Variants in CP observed in about 807,000 individuals in gnomAD.
CP encodes the protein caeruloplasmin.
CP carries 64 observed loss-of-function variants against 122.4 expected under a neutral mutation model. The ratio of observed to expected loss-of-function variants is 0.52; its 90% confidence interval spans 0.43 to 0.64. The LOEUF is 0.64. Ranked by LOEUF, CP falls within the 30% of genes least tolerant of loss-of-function variation. CP has a pLI of 0.00. For missense variants in CP, 1,167 were observed against 1,284.4 expected (o/e 0.91, Z 1.40); for synonymous variants, 440 against 436.4 (o/e 1.01, Z -0.10).
chr3:149,178,089 A>C, intron 16 of CP, 110 bp from the exon 17 acceptor site: 1 of 1,038,344 alleles, frequency 9.6e-7, no homozygotes, highest in Non-Finnish European at 1.5e-6. Flanking sequence ...TTGATGTAAT[A>C]GGACTTATTT....
chr3:149,172,197 G>T (rs1725064744), downstream of CP: 1 of 1,613,410 alleles, frequency 6.2e-7, no homozygotes, highest in Non-Finnish European at 8.5e-7. Context: ...CTTCTCTATT[G>T]CAGTCGAAAG....
chr3:149,186,262 C>T, intron 11 of CP: 1 of 519,816 alleles, frequency 1.9e-6, no homozygotes, highest in Non-Finnish European at 3.5e-6. Flanking sequence ...AAAAAGGGAT[C>T]ATCTTGAGGA....
rs1723999112 is a variant in CP at position 149,162,719 on chromosome 3, T to A, written c.*170A>T. ...TTTGTGCTAAGGATGAAGATACAATTCCTCAGCTCTTGGTAGACTTTTGGG... is the reference window on the plus strand; with the variant it reads ...TTTGTGCTAAGGATGAAGATACAATACCTCAGCTCTTGGTAGACTTTTGGG... On this transcript the variant is annotated 3_prime_UTR_variant, in exon 6 of 6. Coordinates refer to the CP transcript ENST00000479771. The A allele has an allele frequency of 6.2e-7, 1 of 1,614,050 alleles. No homozygotes were observed. Among genetic ancestry groups the A allele is most frequent in the African/African-American group, 1.3e-5 (1 of 75,034 alleles).
At chr3:149,163,391 C>T (rs1254179331) in intron 5 of CP, among the ~76,000 whole-genome samples, 1 of 152,116 alleles carries the variant, frequency 6.6e-6, no homozygotes, top group Non-Finnish European at 1.5e-5. Flanking sequence ...TTGCTCCTAG[C>T]CCATTTCTGT....
In CP at chr3:149,202,131, C is replaced by A; in HGVS notation, c.1319G>T (p.Gly440Val). ...GATGCCAAGATGCTCTTCTTCAGGGCCTCTCTCCTTTCGATTTGTGAAGGA... is the reference window on the plus strand; with the variant it reads ...GATGCCAAGATGCTCTTCTTCAGGGACTCTCTCCTTTCGATTTGTGAAGGA... ...DASFTNRKER[G>V]PEEEHLGILG... is the part of the protein sequence containing the mutation. The change falls in exon 7 of 19, where the codon GGC becomes GTC. Residue 440 changes from glycine (G) to valine (V), a missense_variant. Gly to Val is a moderately radical substitution (Grantham distance 109). Coordinates refer to ENST00000264613, the MANE Select transcript of CP (RefSeq NM_000096.4). 1 of 1,614,074 alleles carries A rather than the reference C, an allele frequency of 6.2e-7. No individual in the cohort carries two copies. Among genetic ancestry groups the A allele is most frequent in the Non-Finnish European group, 8.5e-7 (1 of 1,179,998 alleles).
At chr3:149,194,994 A>G (rs1026826552) in intron 9 of CP, among the ~76,000 whole-genome samples, 3 of 152,212 alleles carry the variant, frequency 2.0e-5, no homozygotes, top group African/African-American at 7.2e-5. Flanking sequence ...AAATCTAGAA[A>G]TAGACTCACT....
Position 149,221,724 on chromosome 3 carries a change from A to G in CP, c.69T>C (p.His23=), listed in dbSNP as rs1457572091. The G allele has an allele frequency of 6.2e-7, 1 of 1,613,556 alleles. No individual in the cohort carries two copies. Among genetic ancestry groups the G allele is most frequent in the Admixed American group, 1.7e-5 (1 of 59,964 alleles). The part of the protein sequence containing the change: ...CSTPAWAKEK[H]YYIGIIETTW... ...TCGTTTCAATAATTCCAATGTAATA[A>G]TGCTTTTCTTTCGCCCAGGCTGGGG... The change falls in exon 1 of 19, where the codon CAT becomes CAC. Residue 23 remains histidine, a synonymous_variant. Coordinates refer to ENST00000264613, the MANE Select transcript of CP (RefSeq NM_000096.4).
At chr3:149,180,436 G>A (rs1023207989) in intron 14 of CP, among the ~76,000 whole-genome samples, 2 of 152,098 alleles carry the variant, frequency 1.3e-5, no homozygotes, top group African/African-American at 2.4e-5. Context: ...ATTCACCTCA[G>A]GGCTTCCTGT....
At chr3:149,183,033 C>A (rs1725887712) in intron 13 of CP, among the ~76,000 whole-genome samples, 1 of 152,072 alleles carries the variant, frequency 6.6e-6, no homozygotes, top group African/African-American at 2.4e-5. Context: ...TCCCTGTAGT[C>A]CCAGCTACTT....
At chr3:149,172,409 T>C (rs1725096596), downstream of CP, 4 of 532,566 alleles carry the variant, frequency 7.5e-6, no homozygotes, top group Non-Finnish European at 1.4e-5. Flanking sequence ...GTGGTAACTA[T>C]TCACTTCTTA....
At chr3:149,184,809 G>T (rs144484684) in intron 12 of CP, among the ~76,000 whole-genome samples, 298 of 152,254 alleles carry the variant, frequency 2.0e-3, no homozygotes, top group African/African-American at 6.5e-3. Context: ...TATTCCATAC[G>T]TAACGGTTTT....
intron 11 of CP, 110 bp from the exon 12 acceptor site, chr3:149,185,556 G>C: frequency 1.0e-6 from 1 of 960,968 alleles, no homozygotes; most frequent in South Asian, 1.5e-5. Context: ...AGGTGATCTA[G>C]CTTTCCACAC....
Position 149,206,248 on chromosome 3 carries a change from A to G in CP, c.1128T>C (p.Ile376=). Residue 376 remains isoleucine (I), a synonymous_variant, in exon 6 of 19, where the codon ATT becomes ATC. Transcript: ENST00000264613. ...AGTTCCAGATGATTTCCTCAGCGGC[A>G]ATGTAGTAGTGTCTAACATGCTTCC... ...IRGKHVRHYY[I]AAEEIIWNYA... 1 of 1,614,022 alleles carries G rather than the reference A, an allele frequency of 6.2e-7. No individual in the cohort carries two copies. The highest frequency in any genetic ancestry group is 2.2e-5 in the East Asian group (1 of 44,876).
At chr3:149,168,598 T>C (rs1314643658), downstream of CP, 1 of 152,266 alleles carries the variant, frequency 6.6e-6, no homozygotes, top group African/African-American at 2.4e-5. Context: ...AGTGTTGAAA[T>C]TGTGTTTTCC....
Position 149,185,123 on chromosome 3 carries a change from TTG to T in CP, c.2285+114_2285+115del, listed in dbSNP as rs869037684. 6 of 815,264 alleles carry T rather than the reference TTG, an allele frequency of 7.4e-6. No individual in the cohort carries two copies. In the African/African-American group the frequency reaches 8.6e-5, roughly 12 times the overall value. The allele number at this position is 815,264 out of a possible 1,614,324, so 50.5% of individuals were successfully genotyped here. A position where few individuals can be genotyped will look rare whatever the true frequency, so the allele number is the denominator to read the frequency against. On this transcript the variant is annotated intron_variant, in intron 12 of 18. Transcript: ENST00000264613. Reference sequence around the variant, plus strand: ...TGTTTTGTTGTTGTTGTTGTTGTTGTTGTTATTGTTTAATGCAACTTTTTTTT... The same window carrying T: ...TGTTTTGTTGTTGTTGTTGTTGTTGTTTATTGTTTAATGCAACTTTTTTTT...
intron 5 of CP, chr3:149,163,831 T>C (rs1724134267): frequency 7.1e-7 from 1 of 1,401,140 alleles, no homozygotes; most frequent in South Asian, 1.2e-5. Flanking sequence ...AGAAATTCTT[T>C]TATGTTTTAG....
chr3:149,177,686 A>G, intron 17 of CP, 154 bp downstream of exon 17: 1 of 825,400 alleles, frequency 1.2e-6, no homozygotes, highest in Non-Finnish European at 2.0e-6. Flanking sequence ...TTTTCAATCC[A>G]TGATTGAATC....
At chr3:149,179,913 A>AT (rs1211587494) in intron 14 of CP, 2 of 452,342 alleles carry the variant, frequency 4.4e-6, no homozygotes, top group African/African-American at 4.0e-5. Flanking sequence ...CCCACTTGCC[A>AT]TACCACAAAG....
chr3:149,202,377 G>T (rs1365335482), intron 6 of CP, 136 bp from the exon 7 acceptor site: 2 of 1,100,206 alleles, frequency 1.8e-6, no homozygotes, highest in Non-Finnish European at 2.7e-6. Flanking sequence ...ATAGCAATCC[G>T]TACCAGTTAC....
Sources: gnomAD v4.1 joint callset for allele counts (sites outside exome capture counted in the v4.1 genomes callset) on GRCh38, gnomAD v4.1.1 for gene constraint, MANE v1.5 for transcripts, NCBI Gene and HGNC (gene_info 2026-07-23, HGNC 2026-07-21) for gene names.